Variants in ABCA3 observed in about 807,000 individuals in gnomAD.
The protein encoded by ABCA3 is ATP binding cassette subfamily A member 3.
In ABCA3, 88 loss-of-function variants were observed where a neutral mutation model predicts 172.8. The observed-to-expected ratio is 0.51, with a 90% CI of 0.43 to 0.61. ABCA3 has a LOEUF of 0.61. Ranked by LOEUF, ABCA3 falls within the 20% of genes least tolerant of loss-of-function variation. The probability of loss-of-function intolerance (pLI) is 0.00; values close to 1 mark genes in which losing one functional copy is unlikely to be tolerated. For missense variants in ABCA3, 2,164 were observed against 2,301.0 expected (o/e 0.94, Z 1.22); for synonymous variants, 1,066 against 983.8 (o/e 1.08, Z -1.56).
At chr16:2,307,291 C>G (rs2093699377) in intron 11 of ABCA3, among the ~76,000 whole-genome samples, 1 of 152,052 alleles carries the variant, frequency 6.6e-6, no homozygotes, top group African/African-American at 2.4e-5. Context: ...CTCAGTGGCT[C>G]ACTCCTGTAA....
Position 2,298,427 on chromosome 16 carries a change from C to T in ABCA3, c.1855G>A (p.Asp619Asn). The change falls in exon 15 of 33, where the codon GAC (aspartate) becomes AAC (asparagine). Residue 619 changes from aspartate (D) to asparagine (N), a missense_variant. Around this residue, in one of 3 missense-constraint regions of ABCA3, gnomAD observed 1,343 missense variants for 1,369.6 expected, o/e 0.98. Transcript: ENST00000301732. ...GLCPQHDILF[D>N]NLTVAEHLYF... ...AGGTGCTCTGCGACTGTCAAGTTGT[C>T]AAACAGGATGTCGTGCTGCGGGCAC... is the stretch of plus-strand genomic sequence containing the variant. The T allele has an allele frequency of 6.2e-7, 1 of 1,614,148 alleles. No homozygotes were observed. Among genetic ancestry groups the T allele is most frequent in the Non-Finnish European group, 8.5e-7 (1 of 1,180,032 alleles).
At position 2,297,033 on chromosome 16, in the gene ABCA3, G is replaced by A. The variant is rs1209012358; in HGVS notation, c.2263+296C>T. Among the ~76,000 whole-genome samples, 2 of 152,192 alleles carry A rather than the reference G, an allele frequency of 1.3e-5. No individual in the cohort carries two copies. The highest frequency in any genetic ancestry group is 6.5e-5 in the Admixed American group (1 of 15,276). ...CACGTGGGAGCTGCCATGTTGGTGCGTGTGTTGGCCTCTCCAAGGGCAGTG... is the reference window on the plus strand; with the variant it reads ...CACGTGGGAGCTGCCATGTTGGTGCATGTGTTGGCCTCTCCAAGGGCAGTG... On this transcript the variant is annotated intron_variant, in intron 17 of 32. Coordinates refer to ENST00000301732, the MANE Select transcript of ABCA3 (RefSeq NM_001089.3). The surrounding 1 kb of genome is among the most constrained non-coding windows in gnomAD (Gnocchi z 5.6).
chr16:2,338,427 C>T (rs1297305818), intron 1 of ABCA3, among the ~76,000 whole-genome samples: 2 of 152,218 alleles, frequency 1.3e-5, no homozygotes, highest in East Asian at 1.9e-4. Flanking sequence ...GTTTCAGGGG[C>T]TCTTTGTCTT....
chr16:2,298,546 G>A lies in ABCA3; in HGVS notation c.1742-6C>T, dbSNP rs1328665830. Reference sequence around the variant, plus strand: ...ACTGGTGGGGGGAAAGAGACCTGGGGCCCAGCAGGAGACCCCACATTCAGC... The same window carrying A: ...ACTGGTGGGGGGAAAGAGACCTGGGACCCAGCAGGAGACCCCACATTCAGC... On this transcript the variant is annotated splice_region_variant and splice_polypyrimidine_tract_variant and intron_variant, in intron 14 of 32. Transcript: ENST00000301732. The A allele has an allele frequency of 3.7e-6, 6 of 1,612,738 alleles. No individual in the cohort carries two copies. The highest frequency in any genetic ancestry group is 5.1e-6 in the Non-Finnish European group (6 of 1,179,972).
At chr16:2,331,217 C>CTTT (rs199896760) in intron 1 of ABCA3, among the ~76,000 whole-genome samples, 9 of 151,784 alleles carry the variant, frequency 5.9e-5, no homozygotes, top group African/African-American at 2.2e-4. Context: ...CTTTTCTTTT[C>CTTT]TTTTCTTTTT....
At chr16:2,307,870 G>A (rs912706350) in intron 11 of ABCA3, among the ~76,000 whole-genome samples, 1 of 152,136 alleles carries the variant, frequency 6.6e-6, no homozygotes, top group Admixed American at 6.5e-5. Context: ...CTCCCAAAGT[G>A]CTGGGATTAT....
chr16:2,304,910 T>C lies in ABCA3; in HGVS notation c.1286-760A>G, dbSNP rs1411904857. 2.6e-5 allele frequency among the ~76,000 whole-genome samples: 4 copies of C among 151,922 alleles called. No homozygotes were observed. In the East Asian group the frequency reaches 7.8e-4, roughly 30 times the overall value. On this transcript the variant is annotated intron_variant, in intron 11 of 32. Transcript: ENST00000301732. ...CAGGGTGGTCTCGATCTCCTGACCT[T>C]GTGATTCGCCTGCCTCGGCCTCCCA...
chr16:2,298,659 A>G (rs1301514429), intron 14 of ABCA3, 119 bp from the exon 15 acceptor site: 1 of 1,265,628 alleles, frequency 7.9e-7, no homozygotes, highest in Non-Finnish European at 1.1e-6. Context: ...CCTGCCCATG[A>G]GAGGGCACGG....
At position 2,286,864 on chromosome 16, in the gene ABCA3, C is replaced by A. The variant is rs1030532843; in HGVS notation, c.3108G>T (p.Thr1036=). Residue 1036 remains threonine, a synonymous_variant, in exon 22 of 33, where the codon ACG becomes ACT. Coordinates refer to ENST00000301732, the MANE Select transcript of ABCA3 (RefSeq NM_001089.3). The surrounding 1 kb of genome is among the most constrained non-coding windows in gnomAD (Gnocchi z 5.2). ...AASFRDVGER[T]VVNALFNNQA... ...GGTTGTTGAACAAGGCGTTGACGAC[C>A]GTGCGCTCTCCCACATCTCTGAAGG... is the stretch of plus-strand genomic sequence containing the variant. The A allele has an allele frequency of 1.3e-5, 21 of 1,614,074 alleles. No individual in the cohort carries two copies. Among genetic ancestry groups the A allele is most frequent in the Non-Finnish European group, 1.8e-5 (21 of 1,180,026 alleles).
In ABCA3 at chr16:2,284,027, G is replaced by A. The variant is rs149029591; in HGVS notation, c.3862+252C>T. 24 of 477,560 alleles carry A rather than the reference G, an allele frequency of 5.0e-5. No individual in the cohort carries two copies. The highest frequency in any genetic ancestry group is 5.9e-4 in the Middle Eastern group (1 of 1,684). 29.6% of individuals were successfully genotyped at this position (477,560 alleles called of 1,614,324 possible). A position where few individuals can be genotyped will look rare whatever the true frequency, so the allele number is the denominator to read the frequency against. On this transcript the variant is annotated intron_variant, in intron 25 of 32. Coordinates refer to ENST00000301732, the MANE Select transcript of ABCA3 (RefSeq NM_001089.3). This position sits in a 1 kb window ranked among gnomAD's most constrained non-coding sequence, Gnocchi z 5.9. ...GGGGGATTCACTCCTCGTGCTAAGC[G>A]CTGGTCTGTGGTTCCTTGTTACAGA...
At chr16:2,308,657 GT>G (rs1310538669) in intron 10 of ABCA3, 34 bp from the exon 11 acceptor site, 4 of 1,611,948 alleles carry the variant, frequency 2.5e-6, no homozygotes, top group Non-Finnish European at 3.4e-6. Flanking sequence ...GGGCGTGAGC[GT>G]CAGTGCCCTC....
chr16:2,304,762 A>G (rs1248796862), intron 11 of ABCA3, among the ~76,000 whole-genome samples: 16 of 140,150 alleles, frequency 1.1e-4, no homozygotes, highest in Non-Finnish European at 1.8e-4. Context: ...TGCAAGCTCC[A>G]CCTCCCGGGT....
At chr16:2,302,227 A>G (rs1205644832) in intron 12 of ABCA3, among the ~76,000 whole-genome samples, 2 of 152,032 alleles carry the variant, frequency 1.3e-5, no homozygotes, top group South Asian at 2.1e-4. Flanking sequence ...TCGCACCTCT[A>G]TATTTCTGCG....
intron 1 of ABCA3, among the ~76,000 whole-genome samples, chr16:2,336,350 G>C (rs914275291): frequency 6.6e-6 from 1 of 152,004 alleles, no homozygotes; most frequent in African/African-American, 2.4e-5. Context: ...ACCCTGCCTC[G>C]TAAGCACAGG....
chr16:2,332,361 C>T (rs2093744672), intron 1 of ABCA3: 1 of 826,910 alleles, frequency 1.2e-6, no homozygotes, highest in African/African-American at 1.7e-5. Flanking sequence ...GGCTTCTAAA[C>T]TTTTTGGACT....
At position 2,326,436 on chromosome 16, in the gene ABCA3, G is replaced by C. The variant is rs1370672803; in HGVS notation, c.31C>G (p.Leu11Val). 1 of 1,612,780 alleles carries C rather than the reference G, an allele frequency of 6.2e-7. No homozygotes were observed. Among genetic ancestry groups the C allele is most frequent in the East Asian group, 2.2e-5 (1 of 44,862 alleles). ...ACCTGCAGGGTGTAGTTCTTCCAGAGGAGGAGCGCCAGCTGCCTGAGCACA... is the reference window on the plus strand; with the variant it reads ...ACCTGCAGGGTGTAGTTCTTCCAGACGAGGAGCGCCAGCTGCCTGAGCACA... MAVLRQLALLLWKNYTLQKRK... is the reference protein window; with the variant it reads MAVLRQLALLVWKNYTLQKRK... Residue 11 changes from leucine (L) to valine (V), a missense_variant, in exon 4 of 33, where the codon CTC (leucine) becomes GTC (valine). Leu to Val is a conservative substitution (Grantham distance 32). Transcript: ENST00000301732.
In ABCA3 at chr16:2,287,618, T is replaced by C. The variant is rs1006813957; in HGVS notation, c.3004+408A>G. Among the ~76,000 whole-genome samples the C allele has an allele frequency of 6.6e-6, 1 of 152,184 alleles. No individual in the cohort carries two copies. Among genetic ancestry groups the C allele is most frequent in the African/African-American group, 2.4e-5 (1 of 41,436 alleles). On this transcript the variant is annotated intron_variant, in intron 21 of 32. Coordinates refer to ENST00000301732, the MANE Select transcript of ABCA3 (RefSeq NM_001089.3). This position sits in a 1 kb window ranked among gnomAD's most constrained non-coding sequence, Gnocchi z 4.1. ...TAAGATGTTGAAAGAAAACACCCTG[T>C]CACACGAAGGCACACTGTGGCCAGC...
At chr16:2,296,535 C>T (rs1463318886) in intron 17 of ABCA3, among the ~76,000 whole-genome samples, 2 of 152,174 alleles carry the variant, frequency 1.3e-5, no homozygotes, top group African/African-American at 4.8e-5. Flanking sequence ...CACGCCTGGC[C>T]CCATGTCCTC....
chr16:2,311,676 C>T (rs1166318679), intron 10 of ABCA3, among the ~76,000 whole-genome samples: 4 of 152,186 alleles, frequency 2.6e-5, no homozygotes, highest in Non-Finnish European at 5.9e-5. Context: ...CATCCGCCAC[C>T]ATGCCCGACT....
Sources: gnomAD v4.1 joint callset for allele counts (sites outside exome capture counted in the v4.1 genomes callset) on GRCh38, gnomAD v4.1.1 for gene constraint, gnomAD v4.1.1 regional missense constraint, Gnocchi (gnomAD v3.1) non-coding constraint, MANE v1.5 for transcripts, NCBI Gene and HGNC (gene_info 2026-07-23, HGNC 2026-07-21) for gene names.